Variants in SUFU observed in about 807,000 individuals in gnomAD.
The protein encoded by SUFU is suppressor of fused homolog.
SUFU carries 7 observed loss-of-function variants against 58.9 expected under a neutral mutation model. That is an observed-to-expected ratio of 0.12 (90% CI 0.07 to 0.22). The LOEUF (loss-of-function observed/expected upper bound fraction) is 0.22, where lower values mean the gene tolerates loss of function less well. Ranked by LOEUF, SUFU falls within the 10% of genes least tolerant of loss-of-function variation. SUFU has a pLI of 1.00. For synonymous variants in SUFU, 232 were observed against 254.8 expected (o/e 0.91, Z 0.85); for missense variants, 451 against 641.3 (o/e 0.70, Z 3.20).
chr10:102,550,224 C>G, intron 3 of SUFU, 118 bp downstream of exon 3: 1 of 1,461,204 alleles, frequency 6.8e-7, no homozygotes, highest in East Asian at 2.4e-5. Flanking sequence ...GTACTATGCC[C>G]CAATTCTACC....
intron 3 of SUFU, among the ~76,000 whole-genome samples, chr10:102,569,001 A>G (rs1487060017): frequency 2.1e-5 from 3 of 139,920 alleles, no homozygotes; most frequent in Non-Finnish European, 4.6e-5. Context: ...ATTTCATTGT[A>G]TGATACTAAC....
In SUFU at chr10:102,617,528, G is replaced by A. The variant is rs1250883828; in HGVS notation, c.1296+100G>A. 6.4e-7 allele frequency: 1 copy of A among 1,559,056 alleles called. No homozygotes were observed. The highest frequency in any genetic ancestry group is 1.1e-5 in the South Asian group (1 of 89,198). ...AGCTCTTGATGGCACCCCTTCCTGGGGGGCTGGTCATGAATGCCTCATGGA... is the reference window on the plus strand; with the variant it reads ...AGCTCTTGATGGCACCCCTTCCTGGAGGGCTGGTCATGAATGCCTCATGGA... On this transcript the variant is annotated intron_variant, in intron 10 of 11. Coordinates refer to ENST00000369902, the MANE Select transcript of SUFU (RefSeq NM_016169.4). This position sits in a 1 kb window ranked among gnomAD's most constrained non-coding sequence, Gnocchi z 4.4.
chr10:102,594,121 A>G (rs1590063483), intron 6 of SUFU, 56 bp downstream of exon 6: 5 of 1,554,434 alleles, frequency 3.2e-6, no homozygotes, highest in Non-Finnish European at 4.4e-6. Context: ...CCTCTTCCAA[A>G]TAACACTGGC....
chr10:102,571,698 AAAC>A (rs2063162840), intron 3 of SUFU, among the ~76,000 whole-genome samples: 2 of 152,364 alleles, frequency 1.3e-5, no homozygotes, highest in South Asian at 2.1e-4. Context: ...TCAAAAAACA[AAAC>A]AACAACAAAA....
At chr10:102,553,031 A>T (rs970903837) in intron 3 of SUFU, among the ~76,000 whole-genome samples, 6 of 152,194 alleles carry the variant, frequency 3.9e-5, no homozygotes, top group African/African-American at 1.4e-4. Context: ...GGTCGTTATA[A>T]TGTGCCTGCT....
chr10:102,548,572 A>G (rs1263075175), intron 2 of SUFU, among the ~76,000 whole-genome samples: 1 of 152,230 alleles, frequency 6.6e-6, no homozygotes, highest in Non-Finnish European at 1.5e-5. Context: ...TTACAGGTGT[A>G]TAATCATTGT....
Position 102,593,820 on chromosome 10 carries a change from C to T in SUFU, c.683+99C>T, listed in dbSNP as rs2063431653. The T allele has an allele frequency of 3.5e-6, 5 of 1,430,926 alleles. No homozygotes were observed. In the South Asian group the frequency reaches 3.5e-5, roughly 10 times the overall value. 88.6% of individuals were successfully genotyped at this position (1,430,926 alleles called of 1,614,324 possible). A position where few individuals can be genotyped will look rare whatever the true frequency, so the allele number is the denominator to read the frequency against. On this transcript the variant is annotated intron_variant, in intron 5 of 11. Transcript: ENST00000369902. ...GGGGCTCCCTCTTGCGTTGTTATTT[C>T]AGACCCTGGTTTTTCACATCAGGGC...
intron 2 of SUFU, among the ~76,000 whole-genome samples, chr10:102,540,668 T>TA (rs1197636456): frequency 6.6e-6 from 1 of 151,402 alleles, no homozygotes; most frequent in Non-Finnish European, 1.5e-5. Context: ...AATAACTAAC[T>TA]AACTAAATAA....
intron 3 of SUFU, among the ~76,000 whole-genome samples, chr10:102,568,855 CAA>C (rs1459631344): frequency 3.4e-5 from 3 of 89,058 alleles, no homozygotes; most frequent in African/African-American, 1.4e-4. Flanking sequence ...GCCTGGGCGA[CAA>C]GAGCAAAACT....
At chr10:102,530,469 A>G (rs1446376469) in intron 2 of SUFU, among the ~76,000 whole-genome samples, 2 of 103,924 alleles carry the variant, frequency 1.9e-5, no homozygotes, top group South Asian at 3.2e-4. Context: ...TTTTTTTTTT[A>G]ATGGAGACAG....
intron 3 of SUFU, among the ~76,000 whole-genome samples, chr10:102,557,882 G>T (rs536947428): frequency 6.6e-6 from 1 of 151,776 alleles, no homozygotes; most frequent in African/African-American, 2.4e-5. Context: ...TTTTAACTTC[G>T]GTGTTTTGTT....
intron 3 of SUFU, among the ~76,000 whole-genome samples, chr10:102,568,946 A>ACT (rs2063132239): frequency 1.2e-5 from 1 of 86,314 alleles, no homozygotes; most frequent in South Asian, 5.0e-4. Flanking sequence ...ATATATATAT[A>ACT]TATATATATA....
chr10:102,607,760 A>G (rs1316544202), intron 8 of SUFU, among the ~76,000 whole-genome samples: 1 of 152,130 alleles, frequency 6.6e-6, no homozygotes, highest in Non-Finnish European at 1.5e-5. Flanking sequence ...CTAAAATACA[A>G]AAATTAGCTG....
At chr10:102,536,363 CT>C (rs11290425) in intron 2 of SUFU, among the ~76,000 whole-genome samples, 64,855 of 101,770 alleles carry the variant, frequency 0.64, 18,633 homozygotes, top group East Asian at 0.77. Context: ...AATTTTATTG[CT>C]TTTTTTTTTT....
intron 2 of SUFU, among the ~76,000 whole-genome samples, chr10:102,544,680 C>T (rs1405176859): frequency 1.3e-5 from 2 of 152,272 alleles, no homozygotes; most frequent in Middle Eastern, 3.4e-3. Flanking sequence ...GCCTGGGCAA[C>T]GGAGTGAGAC....
intron 2 of SUFU, among the ~76,000 whole-genome samples, chr10:102,540,590 G>A (rs759166126): frequency 2.0e-5 from 3 of 152,058 alleles, no homozygotes; most frequent in African/African-American, 4.8e-5. Flanking sequence ...GGCAGAAGTT[G>A]CAGTGAGCCA....
rs945365071 is a variant in SUFU at position 102,629,832 on chromosome 10, G to A, written c.1366-234G>A. Among the ~76,000 whole-genome samples the A allele has an allele frequency of 3.1e-4, 47 of 152,120 alleles. No individual in the cohort carries two copies. Among genetic ancestry groups the A allele is most frequent in the Non-Finnish European group, 6.3e-4 (43 of 68,018 alleles). ...CTTAGTGGAGAAAGGAGGAGAAAAC[G>A]CCCTCCTCCAACCTGCCTCATTATT... is the stretch of plus-strand genomic sequence containing the variant. On this transcript the variant is annotated intron_variant, in intron 11 of 11. Transcript: ENST00000369902. This position sits in a 1 kb window ranked among gnomAD's most constrained non-coding sequence, Gnocchi z 4.7.
At chr10:102,584,908 C>G (rs1184174293) in intron 3 of SUFU, among the ~76,000 whole-genome samples, 2 of 152,246 alleles carry the variant, frequency 1.3e-5, no homozygotes, top group Non-Finnish European at 1.5e-5. Context: ...TGGGCAATCT[C>G]AAGCATCCTT....
intron 3 of SUFU, among the ~76,000 whole-genome samples, chr10:102,581,601 C>G (rs543479338): frequency 6.6e-6 from 1 of 152,336 alleles, no homozygotes; most frequent in East Asian, 1.9e-4. Flanking sequence ...CAGCTTGAGC[C>G]TTCTCAGGAA....
Sources: allele counts gnomAD v4.1 joint callset (sites outside exome capture counted in the v4.1 genomes callset), GRCh38; gene constraint gnomAD v4.1.1; non-coding constraint Gnocchi (gnomAD v3.1); transcripts MANE v1.5; gene names NCBI Gene and HGNC (gene_info 2026-07-23, HGNC 2026-07-21).